The following SPOCK3 variants were observed in gnomAD, a reference collection of about 807,000 sequenced individuals.
SPOCK3 encodes testican-3.
SPOCK3 carries 30 observed loss-of-function variants against 56.6 expected under a neutral mutation model. That is an observed-to-expected ratio of 0.53 (90% CI 0.40 to 0.72). The LOEUF is 0.72. Among genes scored for constraint, SPOCK3 ranks in the 30% least tolerant of loss-of-function variants. The pLI, the probability that SPOCK3 is intolerant of heterozygous loss-of-function variation, is 0.00. For missense variants in SPOCK3, 527 were observed against 530.0 expected, an observed-to-expected ratio of 0.99 and a Z score of 0.06; for synonymous variants, 196 against 183.3, an observed-to-expected ratio of 1.07 and a Z score of -0.56.
chr4:166,740,808 G>C (rs1333232499), intron 9 of SPOCK3, among the ~76,000 whole-genome samples: 1 of 152,094 alleles, frequency 6.6e-6, no homozygotes, highest in African/African-American at 2.4e-5. Flanking sequence ...TTACAGGCGT[G>C]AGCCACTGTA....
intron 6 of SPOCK3, among the ~76,000 whole-genome samples, chr4:166,846,317 G>C (rs889742259): frequency 6.6e-6 from 1 of 152,092 alleles, no homozygotes; most frequent in African/African-American, 2.4e-5. Context: ...TGCCTTTTAA[G>C]TGACAGATTC....
intron 6 of SPOCK3, among the ~76,000 whole-genome samples, chr4:166,847,681 A>ATATATATATATATAT (rs1560926812): frequency 5.6e-3 from 505 of 90,902 alleles, no homozygotes; most frequent in South Asian, 7.6e-3. Flanking sequence ...ATATATATAT[A>ATATATATATATATAT]AGAATCATGT....
At chr4:166,986,257 G>A (rs570992266) in intron 4 of SPOCK3, among the ~76,000 whole-genome samples, 2 of 152,080 alleles carry the variant, frequency 1.3e-5, no homozygotes, top group Non-Finnish European at 1.5e-5. Flanking sequence ...TTCCACAGGA[G>A]ATTTTACTCA....
At chr4:167,087,751 G>T (rs1235892765) in intron 2 of SPOCK3, among the ~76,000 whole-genome samples, 2 of 152,126 alleles carry the variant, frequency 1.3e-5, no homozygotes, top group Non-Finnish European at 2.9e-5. Context: ...ATTTCCTCAT[G>T]TTTCATTTAC....
chr4:166,893,503 T>G (rs1031551703), intron 5 of SPOCK3, among the ~76,000 whole-genome samples: 1 of 152,116 alleles, frequency 6.6e-6, no homozygotes, highest in African/African-American at 2.4e-5. Flanking sequence ...TTTAGATGTA[T>G]TATTCTTTTG....
Position 166,922,606 on chromosome 4 carries a change from C to T in SPOCK3, c.351-9863G>A, listed in dbSNP as rs1738623090. ...CATGACATTAGGAGACGTATCTGCG[C>T]CTAATACCTACTCTTTCCTTCCTTA... On this transcript the variant is annotated intron_variant, in intron 4 of 10. Coordinates refer to ENST00000357545, the MANE Select transcript of SPOCK3 (RefSeq NM_001040159.2). Among the ~76,000 whole-genome samples, 5 of 152,210 alleles carry T rather than the reference C, an allele frequency of 3.3e-5. No individual in the cohort carries two copies. The South Asian group carries it at 1.0e-3, about 32-fold the overall frequency.
chr4:167,060,116 C>G (rs1755423815), intron 3 of SPOCK3, among the ~76,000 whole-genome samples: 1 of 151,514 alleles, frequency 6.6e-6, no homozygotes, highest in Admixed American at 6.6e-5. Context: ...CTAACCTGCA[C>G]ATTGTGTACA....
At chr4:167,054,692 T>G (rs1418705940) in intron 3 of SPOCK3, among the ~76,000 whole-genome samples, 1 of 152,182 alleles carries the variant, frequency 6.6e-6, no homozygotes, top group Non-Finnish European at 1.5e-5. Flanking sequence ...TCCCCAAAAC[T>G]CTTACTGTTT....
intron 4 of SPOCK3, among the ~76,000 whole-genome samples, chr4:166,985,226 A>G (rs1747018182): frequency 2.0e-5 from 3 of 152,132 alleles, no homozygotes; most frequent in Non-Finnish European, 2.9e-5. Flanking sequence ...ATCCTCCACA[A>G]TGAAAATTCA....
rs536622651 is a variant in SPOCK3 at position 166,936,578 on chromosome 4, C to T, written c.351-23835G>A. Among the ~76,000 whole-genome samples, 288 of 151,946 alleles carry T rather than the reference C, an allele frequency of 1.9e-3. 2 individuals are homozygous for T. Among genetic ancestry groups the T allele is most frequent in the Non-Finnish European group, 3.5e-3 (238 of 67,900 alleles). ...CTAGTTATCCAGTGGCACAGCTTTTCCCATATTTGATAGGAGATTTGTCTA... is the reference window on the plus strand; with the variant it reads ...CTAGTTATCCAGTGGCACAGCTTTTTCCATATTTGATAGGAGATTTGTCTA... On this transcript the variant is annotated intron_variant, in intron 4 of 10. Transcript: ENST00000357545.
intron 3 of SPOCK3, among the ~76,000 whole-genome samples, chr4:167,010,091 T>C (rs987087155): frequency 6.6e-6 from 1 of 152,006 alleles, no homozygotes; most frequent in Non-Finnish European, 1.5e-5. Flanking sequence ...GGGGAGTAAA[T>C]TGAAAGCAAC....
intron 2 of SPOCK3, among the ~76,000 whole-genome samples, chr4:167,106,258 CA>C (rs911313332): frequency 3.3e-5 from 5 of 151,418 alleles, no homozygotes; most frequent in African/African-American, 9.7e-5. Context: ...TAAAATATTC[CA>C]AAAAAATGAA....
intron 2 of SPOCK3, among the ~76,000 whole-genome samples, chr4:167,086,690 C>G (rs1328681613): frequency 2.0e-5 from 3 of 152,034 alleles, no homozygotes; most frequent in Non-Finnish European, 4.4e-5. Flanking sequence ...GTATTTTTCC[C>G]TGTTTCAGAT....
intron 7 of SPOCK3, among the ~76,000 whole-genome samples, chr4:166,755,788 A>G (rs962192179): frequency 1.4e-5 from 2 of 138,342 alleles, no homozygotes; most frequent in Admixed American, 7.4e-5. Context: ...ATGTTCTAGT[A>G]ATACAAAATC....
At chr4:167,062,781 T>C (rs1580173095) in intron 2 of SPOCK3, 1 of 475,096 alleles carries the variant, frequency 2.1e-6, no homozygotes, top group South Asian at 4.7e-5. Context: ...AACCTGTTCA[T>C]TTTCATTGCA....
At chr4:166,915,325 TA>T (rs549601863) in intron 4 of SPOCK3, among the ~76,000 whole-genome samples, 199 of 151,436 alleles carry the variant, frequency 1.3e-3, no homozygotes, top group East Asian at 3.5e-3. Flanking sequence ...TTAAAATAAT[TA>T]AAAAAAAATG....
intron 3 of SPOCK3, among the ~76,000 whole-genome samples, chr4:167,014,863 C>T (rs1160015842): frequency 2.6e-5 from 4 of 151,834 alleles, no homozygotes; most frequent in African/African-American, 7.3e-5. Context: ...ATCGGGTATC[C>T]GCATTCACAA....
intron 2 of SPOCK3, among the ~76,000 whole-genome samples, chr4:167,205,360 A>G (rs1166462961): frequency 5.7e-5 from 2 of 35,106 alleles, no homozygotes; most frequent in Non-Finnish European, 4.4e-5. Context: ...TAATATATAT[A>G]TTATATATTT....
At position 166,889,256 on chromosome 4, in the gene SPOCK3, G is replaced by GA; in HGVS notation, c.475-13dup. 1 of 1,498,676 alleles carries GA rather than the reference G, an allele frequency of 6.7e-7. No homozygotes were observed. Among genetic ancestry groups the GA allele is most frequent in the Non-Finnish European group, 9.2e-7 (1 of 1,092,476 alleles). 92.8% of individuals were successfully genotyped at this position (1,498,676 alleles called of 1,614,324 possible). On this transcript the variant is annotated splice_polypyrimidine_tract_variant and intron_variant, in intron 5 of 10. Transcript: ENST00000357545. ...TATTCTAGTTTGCACTGTATAAAAA[G>GA]AGAAAAAAAAAGTAATTCAAATGCT...
Sources: allele counts gnomAD v4.1 joint callset (sites outside exome capture counted in the v4.1 genomes callset), GRCh38; gene constraint gnomAD v4.1.1; transcripts MANE v1.5; gene names NCBI Gene and HGNC (gene_info 2026-07-23, HGNC 2026-07-21).